RSU1: variants seen among roughly 807,000 people sequenced by gnomAD.
The protein encoded by RSU1 is rsu-1.
RSU1 carries 26 observed loss-of-function variants against 31.1 expected under a neutral mutation model. That is an observed-to-expected ratio of 0.84 (90% CI 0.61 to 1.16). RSU1 has a LOEUF of 1.16. Among genes scored for constraint, RSU1 ranks in the 50% most tolerant of loss-of-function variants. RSU1 has a pLI of 0.00. For missense variants in RSU1, 320 were observed against 339.1 expected, an observed-to-expected ratio of 0.94 and a Z score of 0.44; for synonymous variants, 164 against 136.3, an observed-to-expected ratio of 1.20 and a Z score of -1.41.
chr10:16,682,488 A>G (rs1835344608), intron 8 of RSU1, among the ~76,000 whole-genome samples: 1 of 151,608 alleles, frequency 6.6e-6, no homozygotes, highest in South Asian at 2.1e-4. Context: ...TTTATCAGAA[A>G]CCCTTGTAGC....
chr10:16,670,212 A>C (rs1420705061), intron 8 of RSU1, among the ~76,000 whole-genome samples: 2 of 152,248 alleles, frequency 1.3e-5, no homozygotes, highest in Non-Finnish European at 2.9e-5. Flanking sequence ...ATTACAGAAG[A>C]AAGCGCAGGG....
At chr10:16,646,481 C>T (rs971564038) in intron 8 of RSU1, among the ~76,000 whole-genome samples, 5 of 152,156 alleles carry the variant, frequency 3.3e-5, no homozygotes, top group Non-Finnish European at 5.9e-5. Flanking sequence ...CCGATCAAGT[C>T]CCTTCTCTCC....
At chr10:16,650,485 A>G (rs1834662398) in intron 8 of RSU1, among the ~76,000 whole-genome samples, 1 of 152,162 alleles carries the variant, frequency 6.6e-6, no homozygotes, top group Admixed American at 6.5e-5. Flanking sequence ...GAGACTTACA[A>G]GTAGACAGGC....
At chr10:16,754,821 G>T in intron 5 of RSU1, 50 bp downstream of exon 5, 2 of 1,147,420 alleles carry the variant, frequency 1.7e-6, no homozygotes, top group South Asian at 1.4e-5. Flanking sequence ...TTCCCTCTCA[G>T]AACGCAAAGT....
intron 2 of RSU1, among the ~76,000 whole-genome samples, chr10:16,816,362 G>C (rs540703241): frequency 1.3e-5 from 2 of 152,246 alleles, no homozygotes; most frequent in South Asian, 4.1e-4. Flanking sequence ...CTGGTTTTAA[G>C]GGAGAGGGTA....
At chr10:16,696,063 G>A (rs776296859) in intron 7 of RSU1, among the ~76,000 whole-genome samples, 6 of 151,972 alleles carry the variant, frequency 3.9e-5, no homozygotes, top group African/African-American at 7.3e-5. Flanking sequence ...CCTAAAATGC[G>A]CTCGCCTATG....
At chr10:16,628,843 T>TATCTACAATC (rs1834201608) in intron 8 of RSU1, among the ~76,000 whole-genome samples, 1 of 152,170 alleles carries the variant, frequency 6.6e-6, no homozygotes, top group Admixed American at 6.5e-5. Flanking sequence ...GACCTTCCAG[T>TATCTACAATC]CAATCAATGT....
intron 3 of RSU1, among the ~76,000 whole-genome samples, chr10:16,773,148 G>A (rs969513973): frequency 1.3e-5 from 2 of 151,556 alleles, no homozygotes; most frequent in African/African-American, 4.9e-5. Flanking sequence ...GCAGTGAGCT[G>A]AGATTGCATC....
chr10:16,609,171 C>T (rs544445839), intron 8 of RSU1, among the ~76,000 whole-genome samples: 2 of 152,168 alleles, frequency 1.3e-5, no homozygotes, highest in South Asian at 4.2e-4. Flanking sequence ...TTAAGAATCT[C>T]AGAAAAATGT....
intron 7 of RSU1, among the ~76,000 whole-genome samples, chr10:16,710,566 T>A (rs998625179): frequency 1.3e-5 from 2 of 152,104 alleles, no homozygotes; most frequent in Non-Finnish European, 2.9e-5. Flanking sequence ...CTGGAATAGT[T>A]TGAGGAGAAC....
chr10:16,717,733 T>C (rs769639266), intron 7 of RSU1, among the ~76,000 whole-genome samples: 7 of 152,092 alleles, frequency 4.6e-5, no homozygotes, highest in Admixed American at 2.0e-4. Flanking sequence ...AATTTAACAG[T>C]AGGACTCAAG....
intron 8 of RSU1, among the ~76,000 whole-genome samples, chr10:16,645,726 G>C (rs1405462822): frequency 6.6e-6 from 1 of 151,100 alleles, no homozygotes; most frequent in Non-Finnish European, 1.5e-5. Flanking sequence ...AGAATCACTT[G>C]AACTCGGGAG....
chr10:16,672,534 T>C (rs1357699571), intron 8 of RSU1, among the ~76,000 whole-genome samples: 1 of 151,916 alleles, frequency 6.6e-6, no homozygotes, highest in African/African-American at 2.4e-5. Context: ...AAATCAGCAA[T>C]GAAAAGATAT....
At chr10:16,736,666 C>T (rs977900371) in intron 7 of RSU1, among the ~76,000 whole-genome samples, 1 of 152,004 alleles carries the variant, frequency 6.6e-6, no homozygotes, top group Non-Finnish European at 1.5e-5. Flanking sequence ...GAAAACTAGA[C>T]ATTCAGAGTA....
chr10:16,748,121 C>G (rs181714776), intron 7 of RSU1: 1 of 152,264 alleles, frequency 6.6e-6, no homozygotes, highest in Non-Finnish European at 1.5e-5. Flanking sequence ...GCTGCTCTAA[C>G]CAATGACTAC....
Position 16,593,310 on chromosome 10 carries a change from G to A in RSU1, c.*84C>T. Reference sequence around the variant, plus strand: ...TAAAAAAGGCCTCACACGCAGCATTGGGTTTATTTGAGAGACAGGGCAAGA... The same window carrying A: ...TAAAAAAGGCCTCACACGCAGCATTAGGTTTATTTGAGAGACAGGGCAAGA... On this transcript the variant is annotated 3_prime_UTR_variant, in exon 9 of 9. Transcript: ENST00000345264. 6.3e-7 allele frequency: 1 copy of A among 1,596,362 alleles called. No individual in the cohort carries two copies. The highest frequency in any genetic ancestry group is 8.5e-7 in the Non-Finnish European group (1 of 1,170,450).
intron 7 of RSU1, among the ~76,000 whole-genome samples, chr10:16,724,237 C>T (rs950613324): frequency 6.6e-6 from 1 of 152,090 alleles, no homozygotes; most frequent in Non-Finnish European, 1.5e-5. Flanking sequence ...GCCACCGGGC[C>T]CAGCTGAGAC....
intron 7 of RSU1, among the ~76,000 whole-genome samples, chr10:16,723,704 G>A (rs1048387980): frequency 2.6e-5 from 4 of 152,148 alleles, no homozygotes; most frequent in Non-Finnish European, 5.9e-5. Context: ...CAGGTGTCAG[G>A]GCTAACACAG....
intron 8 of RSU1, among the ~76,000 whole-genome samples, chr10:16,635,599 T>C (rs10904781): frequency 0.18 from 27,688 of 152,248 alleles, 2,774 homozygotes; most frequent in Admixed American, 0.23. Flanking sequence ...AAAATGATAC[T>C]GTCCCAGCAA....
Sources: allele counts gnomAD v4.1 joint callset (sites outside exome capture counted in the v4.1 genomes callset), GRCh38; gene constraint gnomAD v4.1.1; transcripts MANE v1.5; gene names NCBI Gene and HGNC (gene_info 2026-07-23, HGNC 2026-07-21).